The following ARHGEF17 variants were observed in gnomAD, a reference collection of about 807,000 sequenced individuals.
The protein encoded by ARHGEF17 is Rho guanine nucleotide exchange factor 17.
Under a neutral mutation model 174.0 loss-of-function variants are expected in ARHGEF17, and 80 were observed. That is an observed-to-expected ratio of 0.46 (90% CI 0.38 to 0.55). The LOEUF (loss-of-function observed/expected upper bound fraction) is 0.55. Among genes scored for constraint, ARHGEF17 ranks in the 20% least tolerant of loss-of-function variants. The probability of loss-of-function intolerance (pLI) is 0.00; values close to 1 mark genes in which losing one functional copy is unlikely to be tolerated. For missense variants in ARHGEF17, 2,886 were observed against 2,839.7 expected, an observed-to-expected ratio of 1.02 and a Z score of -0.37; for synonymous variants, 1,311 against 1,189.1, an observed-to-expected ratio of 1.10 and a Z score of -2.11.
Position 73,357,290 on chromosome 11 carries a change from G to A in ARHGEF17, c.4050G>A (p.Leu1350=). The A allele has an allele frequency of 1.2e-6, 2 of 1,613,948 alleles. No individual in the cohort carries two copies. The highest frequency in any genetic ancestry group is 1.7e-6 in the Non-Finnish European group (2 of 1,179,994). The change falls in exon 9 of 21, where the codon CTG becomes CTA. Residue 1350 remains leucine (L), a synonymous_variant. Transcript: ENST00000263674. ...ACACAGCCAGCAAGTACAAGATGCT[G>A]TGGAAGCTGCCGCTGGAAGACGCAG... is the stretch of plus-strand genomic sequence containing the variant. ...VIDTASKYKM[L]WKLPLEDADI...
intron 6 of ARHGEF17, 163 bp downstream of exon 6, chr11:73,356,514 C>T: frequency 8.9e-7 from 1 of 1,128,048 alleles, no homozygotes; most frequent in East Asian, 2.6e-5. Flanking sequence ...CCACACGTCT[C>T]CACCTGTCTG....
Position 73,357,265 on chromosome 11 carries a change from A to T in ARHGEF17, c.4025A>T (p.Asp1342Val). ...AGGTACACGGCAGCCAGTGTCATTG[A>T]CACAGCCAGCAAGTACAAGATGCTG... ...MSLYTAASVIDTASKYKMLWK... is the reference protein window; with the variant it reads ...MSLYTAASVIVTASKYKMLWK... The change falls in exon 9 of 21, where the codon GAC (aspartate) becomes GTC (valine). Residue 1342 changes from aspartate (D) to valine (V), a missense_variant. By Grantham distance (152) the Asp-to-Val change is radical. Coordinates refer to ENST00000263674, the MANE Select transcript of ARHGEF17 (RefSeq NM_014786.4). 2 of 1,614,096 alleles carry T rather than the reference A, an allele frequency of 1.2e-6. No individual in the cohort carries two copies. Among genetic ancestry groups the T allele is most frequent in the Non-Finnish European group, 8.5e-7 (1 of 1,179,986 alleles).
intron 2 of ARHGEF17, among the ~76,000 whole-genome samples, chr11:73,350,028 C>T (rs1865527198): frequency 1.3e-5 from 2 of 152,188 alleles, no homozygotes; most frequent in African/African-American, 4.8e-5. Flanking sequence ...GCCTCAGTTT[C>T]CTCATCTGTA....
chr11:73,308,562 C>G lies in ARHGEF17; in HGVS notation c.-77C>G. The stretch of plus-strand genomic sequence containing the variant: ...GCTGCTTTCGGCGTGGGCCGCTGCG[C>G]TCCTAGGGAGTGGGGGCGCAGGGGG... On this transcript the variant is annotated 5_prime_UTR_variant, in exon 1 of 21. Coordinates refer to ENST00000263674, the MANE Select transcript of ARHGEF17 (RefSeq NM_014786.4). The G allele has an allele frequency of 7.8e-7, 1 of 1,284,366 alleles. No individual in the cohort carries two copies. Among genetic ancestry groups the G allele is most frequent in the Non-Finnish European group, 1.0e-6 (1 of 992,074 alleles). 79.6% of individuals were successfully genotyped at this position (1,284,366 alleles called of 1,614,324 possible).
At chr11:73,315,182 G>C (rs910339664) in intron 1 of ARHGEF17, among the ~76,000 whole-genome samples, 4 of 152,198 alleles carry the variant, frequency 2.6e-5, no homozygotes, top group Admixed American at 2.6e-4. Flanking sequence ...CATCTGAGTA[G>C]CGGGGACAAG....
At chr11:73,322,236 C>T (rs1356322778) in intron 1 of ARHGEF17, among the ~76,000 whole-genome samples, 2 of 152,216 alleles carry the variant, frequency 1.3e-5, no homozygotes, top group African/African-American at 2.4e-5. Flanking sequence ...TGGTATCCCC[C>T]GCCTTTCCCT....
chr11:73,314,323 A>T (rs2082283110), intron 1 of ARHGEF17, among the ~76,000 whole-genome samples: 1 of 152,190 alleles, frequency 6.6e-6, no homozygotes, highest in African/African-American at 2.4e-5. Context: ...GACTAAGGGG[A>T]TGCCCCCCGC....
intron 2 of ARHGEF17, among the ~76,000 whole-genome samples, chr11:73,352,356 T>C (rs1223994237): frequency 6.6e-6 from 1 of 152,190 alleles, no homozygotes; most frequent in Admixed American, 6.5e-5. Context: ...TGATGAAATA[T>C]GATATTTTAA....
At chr11:73,345,087 C>T (rs1157987115) in intron 1 of ARHGEF17, among the ~76,000 whole-genome samples, 1 of 152,170 alleles carries the variant, frequency 6.6e-6, no homozygotes, top group African/African-American at 2.4e-5. Context: ...CTGGGCCTGT[C>T]CTCGGGAGGC....
chr11:73,362,759 C>A (rs776773974), intron 14 of ARHGEF17, 25 bp downstream of exon 14: 10 of 1,584,364 alleles, frequency 6.3e-6, no homozygotes, highest in Middle Eastern at 1.7e-4. Context: ...TCTCCTCCAA[C>A]TTGGCCTTGG....
chr11:73,335,395 G>A (rs915302573), intron 1 of ARHGEF17, among the ~76,000 whole-genome samples: 1 of 152,160 alleles, frequency 6.6e-6, no homozygotes, highest in African/African-American at 2.4e-5. Context: ...TTTCACATCT[G>A]TTGGGGGTCT....
chr11:73,364,780 T>G, intron 18 of ARHGEF17, 180 bp downstream of exon 18: 1 of 718,312 alleles, frequency 1.4e-6, no homozygotes, highest in Non-Finnish European at 2.2e-6. Flanking sequence ...CTTCTGTAGC[T>G]GATGAGGAAT....
chr11:73,338,710 G>A (rs1321438302), intron 1 of ARHGEF17, among the ~76,000 whole-genome samples: 1 of 152,006 alleles, frequency 6.6e-6, no homozygotes, highest in Non-Finnish European at 1.5e-5. Context: ...GCCCAGCTGT[G>A]TGCACCAGGC....
intron 20 of ARHGEF17, among the ~76,000 whole-genome samples, chr11:73,366,216 C>T (rs2073130380): frequency 6.6e-6 from 1 of 151,882 alleles, no homozygotes; most frequent in Non-Finnish European, 1.5e-5. Context: ...GGAACTATAA[C>T]CTAAGAGGTA....
Position 73,365,058 on chromosome 11 carries a change from C to A in ARHGEF17, c.5551-332C>A, listed in dbSNP as rs1454083554. The A allele has an allele frequency of 1.4e-5, 5 of 363,084 alleles. No individual in the cohort carries two copies. Among genetic ancestry groups the A allele is most frequent in the Non-Finnish European group, 2.5e-5 (5 of 197,466 alleles). 22.5% of individuals were successfully genotyped at this position (363,084 alleles called of 1,614,324 possible). On this transcript the variant is annotated intron_variant, in intron 18 of 20. Transcript: ENST00000263674. The surrounding 1 kb of genome is among the most constrained non-coding windows in gnomAD (Gnocchi z 4.9). ...AAAGCCCTGGGTTCAGGCCCCAGCT[C>A]TGTGACTGACTTGCTGTGTGACCTT... is the stretch of plus-strand genomic sequence containing the variant.
chr11:73,332,272 C>G, intron 1 of ARHGEF17, among the ~76,000 whole-genome samples: 1 of 152,084 alleles, frequency 6.6e-6, no homozygotes, highest in Non-Finnish European at 1.5e-5. Flanking sequence ...GTCTCTGGCT[C>G]TACCCCTCTA....
chr11:73,356,872 C>G, intron 7 of ARHGEF17, 113 bp downstream of exon 7: 3 of 1,532,820 alleles, frequency 2.0e-6, no homozygotes, highest in South Asian at 1.1e-5. Flanking sequence ...GAGGGGAGCC[C>G]TGGTCGAGTC....
At chr11:73,327,131 C>T (rs1865115183) in intron 1 of ARHGEF17, among the ~76,000 whole-genome samples, 1 of 152,214 alleles carries the variant, frequency 6.6e-6, no homozygotes, top group Non-Finnish European at 1.5e-5. Context: ...CACCCGGGGC[C>T]TGGAGCTGGC....
chr11:73,335,000 AT>A (rs1328252570), intron 1 of ARHGEF17, among the ~76,000 whole-genome samples: 4 of 152,308 alleles, frequency 2.6e-5, no homozygotes. Flanking sequence ...AGTGTTAGAC[AT>A]TTTGAATGAA....
Sources: allele counts gnomAD v4.1 joint callset (sites outside exome capture counted in the v4.1 genomes callset), GRCh38; gene constraint gnomAD v4.1.1; non-coding constraint Gnocchi (gnomAD v3.1); transcripts MANE v1.5; gene names NCBI Gene and HGNC (gene_info 2026-07-23, HGNC 2026-07-21).